The following MTRF1L variants were observed in gnomAD, a reference collection of about 807,000 sequenced individuals.
MTRF1L encodes mitochondrial translation release factor 1 like.
MTRF1L carries 29 observed loss-of-function variants against 40.0 expected under a neutral mutation model. The ratio of observed to expected loss-of-function variants is 0.73; its 90% CI spans 0.54 to 0.99. MTRF1L has a LOEUF of 0.99. Among genes scored for constraint, MTRF1L ranks in the 50% least tolerant of loss-of-function variants. MTRF1L has a pLI of 0.00. For synonymous variants in MTRF1L, 150 were observed against 175.8 expected, an observed-to-expected ratio of 0.85 and a Z score of 1.16; for missense variants, 412 against 464.5, an observed-to-expected ratio of 0.89 and a Z score of 1.04.
chr6:152,998,616 A>C lies in MTRF1L; in HGVS notation c.273T>G (p.Asp91Glu). ...TTTCATTCTCTGCAAGTTTCCTTAA[A>C]TCTTCATTCTCATCTAGGAAAAAAA... ...TEHLLHDENE[D>E]LRKLAENEIT... The change falls in exon 2 of 7, where the codon GAT (aspartate) becomes GAG (glutamate). Residue 91 changes from aspartate (D) to glutamate (E), a missense_variant. Physicochemically the swap from Asp to Glu is conservative, Grantham distance 45. Coordinates refer to ENST00000367233, the MANE Select transcript of MTRF1L (RefSeq NM_019041.7). 1 of 1,594,922 alleles carries C rather than the reference A, an allele frequency of 6.3e-7. No individual in the cohort carries two copies. The highest frequency in any genetic ancestry group is 8.5e-7 in the Non-Finnish European group (1 of 1,173,278).
chr6:153,002,115 T>C (rs1352892612), intron 1 of MTRF1L, among the ~76,000 whole-genome samples: 2 of 152,252 alleles, frequency 1.3e-5, no homozygotes, highest in East Asian at 1.9e-4. Context: ...ACACCACACT[T>C]TGAGAAACAC....
At chr6:153,001,801 A>G (rs1442216924) in intron 1 of MTRF1L, among the ~76,000 whole-genome samples, 5 of 152,090 alleles carry the variant, frequency 3.3e-5, no homozygotes, top group Non-Finnish European at 4.4e-5. Context: ...TCTGGAGAAT[A>G]CTCCAATTTA....
At position 153,002,463 on chromosome 6, in the gene MTRF1L, C is replaced by G. The variant is rs1463593671; in HGVS notation, c.223G>C (p.Glu75Gln). 6.2e-7 allele frequency: 1 copy of G among 1,613,926 alleles called. No homozygotes were observed. The part of the protein sequence containing the change: ...LAVIKLLNEK[E>Q]RELRETEHLL... ...TGCTCAGTCTCCCGCAGCTCCCGCT[C>G]CTTCTCGTTCAGCAGTTTGATCACC... Residue 75 changes from glutamate to glutamine, a missense_variant, in exon 1 of 7, where the codon GAG becomes CAG. Transcript: ENST00000367233.
In MTRF1L at chr6:153,002,596, G is replaced by A. The variant is rs377692643; in HGVS notation, c.90C>T (p.Ser30=). ...GGGTGAACAGCTCCTCCAGCGGCGG[G>A]CTACCGGAGCTCAGGGGCCGGCGGG... ...GPARRPLSSG[S]PPLEELFTRG... Residue 30 remains serine (S), a synonymous_variant, in exon 1 of 7, where the codon AGC becomes AGT. Transcript: ENST00000367233. 6.4e-7 allele frequency: 1 copy of A among 1,551,584 alleles called. No homozygotes were observed. The highest frequency in any genetic ancestry group is 2.4e-5 in the East Asian group (1 of 41,160).
At chr6:152,991,163 AT>A in intron 6 of MTRF1L, 21 bp downstream of exon 6, 2 of 1,422,582 alleles carry the variant, frequency 1.4e-6, no homozygotes, top group Admixed American at 2.7e-5. Context: ...CTTTAAAAGC[AT>A]TTTTAAAATT....
At chr6:152,991,847 C>G (rs1396606355) in intron 5 of MTRF1L, among the ~76,000 whole-genome samples, 1 of 152,180 alleles carries the variant, frequency 6.6e-6, no homozygotes, top group African/African-American at 2.4e-5. Context: ...CCGCGCCCGG[C>G]CTAGCACAAA....
chr6:153,002,366 A>C, intron 1 of MTRF1L, 61 bp downstream of exon 1: 1 of 1,613,078 alleles, frequency 6.2e-7, no homozygotes, highest in Non-Finnish European at 8.5e-7. Context: ...TGGGCAGTGG[A>C]AAAGTCAAAC....
chr6:152,998,739 G>T, intron 1 of MTRF1L, 110 bp from the exon 2 acceptor site: 1 of 602,074 alleles, frequency 1.7e-6, no homozygotes, highest in African/African-American at 1.9e-5. Context: ...AAAATAAAAT[G>T]TATATCTTGT....
At chr6:153,002,331 T>C in intron 1 of MTRF1L, 96 bp downstream of exon 1, 1 of 1,581,184 alleles carries the variant, frequency 6.3e-7, no homozygotes. Context: ...TGCAAGTGAG[T>C]AAAGAGTTTC....
intron 2 of MTRF1L, among the ~76,000 whole-genome samples, chr6:152,997,803 A>G (rs146140632): frequency 1.5e-4 from 23 of 152,264 alleles, no homozygotes; most frequent in African/African-American, 4.3e-4. Flanking sequence ...GAGAGCTTCA[A>G]TGGGAAATCC....
rs975104651 is a variant in MTRF1L at position 152,995,339 on chromosome 6, AC to A, written c.340-21del. 8 of 1,516,932 alleles carry A rather than the reference AC, an allele frequency of 5.3e-6. No homozygotes were observed. Among genetic ancestry groups the A allele is most frequent in the Middle Eastern group, 2.1e-4 (1 of 4,858 alleles). The allele number at this position is 1,516,932 out of a possible 1,614,324, so 94.0% of individuals were successfully genotyped here. On this transcript the variant is annotated intron_variant, in intron 2 of 6. Coordinates refer to ENST00000367233, the MANE Select transcript of MTRF1L (RefSeq NM_019041.7). The stretch of plus-strand genomic sequence containing the variant: ...GATAATCTGTAAATATAAAAATATC[AC>A]CCCTCCTATAATTAAGATTTAAAAT...
Position 153,002,286 on chromosome 6 carries a change from T to C in MTRF1L, c.259+141A>G, listed in dbSNP as rs893446371. 4 of 1,268,638 alleles carry C rather than the reference T, an allele frequency of 3.2e-6. No individual in the cohort carries two copies. The Admixed American group carries it at 6.2e-5, about 20-fold the overall frequency. The allele number at this position is 1,268,638 out of a possible 1,614,324, so 78.6% of individuals were successfully genotyped here. A position where few individuals can be genotyped will look rare whatever the true frequency, so the allele number is the denominator to read the frequency against. On this transcript the variant is annotated intron_variant, in intron 1 of 6. Transcript: ENST00000367233. Reference sequence around the variant, plus strand: ...GAGAGGATGGGATCACAGCACGTAATGATGTCCTGACCTCTGATCCAAAAT... The same window carrying C: ...GAGAGGATGGGATCACAGCACGTAACGATGTCCTGACCTCTGATCCAAAAT...
chr6:152,994,534 T>C lies in MTRF1L; in HGVS notation c.666A>G (p.Ala222=). Residue 222 remains alanine (A), a synonymous_variant, in exon 4 of 7, where the codon GCA becomes GCG. Coordinates refer to ENST00000367233, the MANE Select transcript of MTRF1L (RefSeq NM_019041.7). ...TTACCTCAGTAGGCTGGGGTAATAT[T>C]GCTACAGTCATGGTGCTAGTATGGA... ...GRVHTSTMTV[A]ILPQPTEINL... 1.9e-6 allele frequency: 3 copies of C among 1,611,556 alleles called. No homozygotes were observed. The highest frequency in any genetic ancestry group is 2.5e-6 in the Non-Finnish European group (3 of 1,179,618).
intron 5 of MTRF1L, 152 bp downstream of exon 5, chr6:152,992,705 A>T: frequency 1.8e-6 from 1 of 561,660 alleles, no homozygotes; most frequent in South Asian, 2.8e-5. Context: ...ACGGAGTATC[A>T]GGTAAGGATT....
Position 152,990,091 on chromosome 6 carries a change from C to T in MTRF1L, c.947G>A (p.Gly316Glu), listed in dbSNP as rs749206208. 1 of 1,613,736 alleles carries T rather than the reference C, an allele frequency of 6.2e-7. No homozygotes were observed. Among genetic ancestry groups the T allele is most frequent in the Admixed American group, 1.7e-5 (1 of 59,982 alleles). Residue 316 changes from glycine to glutamate, a missense_variant, in exon 7 of 7, where the codon GGA becomes GAA. Transcript: ENST00000367233. ...TATTTTCTCTGATCTTCCTTTACTT[C>T]CAATCTGTATATAGAGAAAAAGATG... is the stretch of plus-strand genomic sequence containing the variant. ...KRQNARKIQI[G>E]SKGRSEKIRT... is the part of the protein sequence containing the mutation.
chr6:152,998,539 A>G lies in MTRF1L; in HGVS notation c.339+11T>C. On this transcript the variant is annotated intron_variant, in intron 2 of 6. Coordinates refer to ENST00000367233, the MANE Select transcript of MTRF1L (RefSeq NM_019041.7). ...AGCACAAATGCTTTATTCTTTGCAG[A>G]AATACCATACCTGATGCTTCAGCTG... 1 of 1,556,292 alleles carries G rather than the reference A, an allele frequency of 6.4e-7. No homozygotes were observed. The highest frequency in any genetic ancestry group is 8.7e-7 in the Non-Finnish European group (1 of 1,153,738).
chr6:152,995,068 C>T (rs1165136473), intron 3 of MTRF1L, 68 bp downstream of exon 3: 2 of 1,362,946 alleles, frequency 1.5e-6, no homozygotes, highest in Non-Finnish European at 2.0e-6. Context: ...AGTTCTAAAG[C>T]CTAGTCATGG....
At chr6:153,001,999 C>T (rs1388917677) in intron 1 of MTRF1L, among the ~76,000 whole-genome samples, 1 of 152,218 alleles carries the variant, frequency 6.6e-6, no homozygotes, top group East Asian at 1.9e-4. Flanking sequence ...TTAGGCCATA[C>T]TGAATTTCCC....
At position 152,989,748 on chromosome 6, in the gene MTRF1L, T is replaced by C. The variant is rs542119781; in HGVS notation, c.*147A>G. 9 of 827,280 alleles carry C rather than the reference T, an allele frequency of 1.1e-5. No homozygotes were observed. In the African/African-American group the frequency reaches 1.2e-4, roughly 11 times the overall value. 51.2% of individuals were successfully genotyped at this position (827,280 alleles called of 1,614,324 possible). On this transcript the variant is annotated 3_prime_UTR_variant, in exon 7 of 7. Coordinates refer to ENST00000367233, the MANE Select transcript of MTRF1L (RefSeq NM_019041.7). ...TTGCTAATGCATTGAGAGAGATCTG[T>C]GTAAATTATCTATGACTTCAGAATA...
Sources: gnomAD v4.1 joint callset for allele counts (sites outside exome capture counted in the v4.1 genomes callset) on GRCh38, gnomAD v4.1.1 for gene constraint, MANE v1.5 for transcripts, NCBI Gene and HGNC (gene_info 2026-07-23, HGNC 2026-07-21) for gene names.